The following DNAH17 variants were observed in gnomAD, a reference collection of about 807,000 sequenced individuals.
The protein encoded by DNAH17 is dynein axonemal heavy chain 17.
DNAH17 carries 376 observed loss-of-function variants against 485.6 expected under a neutral mutation model. That is an observed-to-expected ratio of 0.77 (90% confidence interval 0.71 to 0.84). The LOEUF (loss-of-function observed/expected upper bound fraction) is 0.84. Ranked by LOEUF, DNAH17 falls within the 40% of genes least tolerant of loss-of-function variation. DNAH17 has a pLI of 0.00. For synonymous variants in DNAH17, 3,031 were observed against 2,405.9 expected, an observed-to-expected ratio of 1.26 and a Z score of -7.60; for missense variants, 6,370 against 5,839.3, an observed-to-expected ratio of 1.09 and a Z score of -2.96.
chr17:78,445,011 T>A (rs1334918778), intron 70 of DNAH17, among the ~76,000 whole-genome samples: 1 of 151,904 alleles, frequency 6.6e-6, no homozygotes, highest in Non-Finnish European at 1.5e-5. Flanking sequence ...CTCGGCAGGG[T>A]CTAACCTGCG....
intron 35 of DNAH17, 45 bp from the exon 36 acceptor site, chr17:78,500,506 C>A (rs1394064140): frequency 6.6e-7 from 1 of 1,504,310 alleles, no homozygotes; most frequent in Non-Finnish European, 8.9e-7. Flanking sequence ...GACCCCATGG[C>A]CTCCCTGCTT....
Position 78,480,806 on chromosome 17 carries a change from T to C in DNAH17, c.7650-20A>G. ...TCATACCTGAGGGGGGAAACCAGCA[T>C]TCATGTTGTGCCCCTGGCCTGGAGG... is the stretch of plus-strand genomic sequence containing the variant. On this transcript the variant is annotated intron_variant, in intron 48 of 80. Transcript: ENST00000389840. The C allele has an allele frequency of 6.3e-7, 1 of 1,585,692 alleles. No homozygotes were observed. The highest frequency in any genetic ancestry group is 8.6e-7 in the Non-Finnish European group (1 of 1,158,424).
chr17:78,479,641 A>C lies in DNAH17; in HGVS notation c.7753-9T>G, dbSNP rs768539438. The stretch of plus-strand genomic sequence containing the variant: ...AACACGCAGAAATGGCGCTACCCCA[A>C]AACAACCAAACACTCCAGTCAGCCA... On this transcript the variant is annotated splice_polypyrimidine_tract_variant and intron_variant, in intron 49 of 80. Coordinates refer to ENST00000389840, the MANE Select transcript of DNAH17 (RefSeq NM_173628.4). The C allele has an allele frequency of 6.2e-7, 1 of 1,612,112 alleles. No individual in the cohort carries two copies. The highest frequency in any genetic ancestry group is 1.7e-5 in the Admixed American group (1 of 59,882).
chr17:78,450,976 G>A (rs2087523923), intron 66 of DNAH17, 130 bp from the exon 67 acceptor site: 1 of 1,192,142 alleles, frequency 8.4e-7, no homozygotes, highest in Non-Finnish European at 1.2e-6. Flanking sequence ...TCAGGTCCTG[G>A]AAGGGGCTGC....
intron 74 of DNAH17, among the ~76,000 whole-genome samples, chr17:78,437,154 G>A (rs2086876002): frequency 6.6e-6 from 1 of 152,146 alleles, no homozygotes; most frequent in South Asian, 2.1e-4. Flanking sequence ...GGGGGCTGAA[G>A]GCAAGGAAAC....
chr17:78,435,141 C>T (rs8080234), intron 74 of DNAH17, among the ~76,000 whole-genome samples: 103,137 of 151,938 alleles, frequency 0.68, 35,994 homozygotes, highest in East Asian at 0.87. Context: ...TGGCCAGTCC[C>T]TTTCAGACCT....
At position 78,572,061 on chromosome 17, in the gene DNAH17, A is replaced by G. The variant is rs528843769; in HGVS notation, c.540-279T>C. 2.0e-5 allele frequency among the ~76,000 whole-genome samples: 3 copies of G among 152,264 alleles called. No individual in the cohort carries two copies. The South Asian group carries it at 6.2e-4, about 32-fold the overall frequency. On this transcript the variant is annotated intron_variant, in intron 3 of 80. Coordinates refer to ENST00000389840, the MANE Select transcript of DNAH17 (RefSeq NM_173628.4). ...AGCGGGAGAGAATTAAGTAAACCCT[A>G]TTTAAACCCTATTCAAGATGGCTCC...
intron 80 of DNAH17, 119 bp downstream of exon 80, chr17:78,425,227 C>G: frequency 9.8e-7 from 1 of 1,015,278 alleles, no homozygotes; most frequent in Non-Finnish European, 1.5e-6. Flanking sequence ...GAGCACCTCT[C>G]TCCTGCCTGT....
rs369478570 is a variant in DNAH17, at chr17:78,501,184, C to G, written c.5483G>C (p.Arg1828Thr). 6 of 1,574,462 alleles carry G rather than the reference C, an allele frequency of 3.8e-6. No homozygotes were observed. Among genetic ancestry groups the G allele is most frequent in the Non-Finnish European group, 4.3e-6 (5 of 1,151,618 alleles). Reference protein sequence around the residue: ...PRLVITPLTDRCYITLTQSLH... With the variant: ...PRLVITPLTDTCYITLTQSLH... ...TGAGTTACTCAGGGACGGGCCTCAC[C>G]TGTCAGTGAGTGGGGTGATGACCAG... The change falls in exon 35 of 81, where the codon AGG becomes ACG. Residue 1828 changes from arginine (R) to threonine (T), a missense_variant and splice_region_variant. Coordinates refer to ENST00000389840, the MANE Select transcript of DNAH17 (RefSeq NM_173628.4).
rs768564744 is a variant in DNAH17 at position 78,525,107 on chromosome 17, C to T, written c.3766G>A (p.Gly1256Arg). 2.4e-5 allele frequency: 39 copies of T among 1,613,634 alleles called. No individual in the cohort carries two copies. Among genetic ancestry groups the T allele is most frequent in the Middle Eastern group, 1.6e-4 (1 of 6,084 alleles). Residue 1256 changes from glycine (G) to arginine (R), a missense_variant, in exon 25 of 81, where the codon GGG becomes AGG. Gly to Arg is a moderately radical substitution (Grantham distance 125). Transcript: ENST00000389840. ...GGGACGGGGACCTCGAACAGGCCCC[C>T]GGACTTGGACAGCGCCTCCATGATG... ...EGIMEALSKS[G>R]GLFEVPVPDY...
chr17:78,530,268 C>G (rs2091195305), intron 21 of DNAH17, 75 bp downstream of exon 21: 3 of 1,462,288 alleles, frequency 2.1e-6, no homozygotes, highest in Non-Finnish European at 2.7e-6. Flanking sequence ...CAAATGCCAC[C>G]CACTCAAGTG....
intron 16 of DNAH17, among the ~76,000 whole-genome samples, chr17:78,544,866 C>G (rs1412577914): frequency 7.0e-6 from 1 of 142,764 alleles, no homozygotes; most frequent in Non-Finnish European, 1.5e-5. Flanking sequence ...TTGGACTTTA[C>G]TGTTATCTGT....
chr17:78,529,907 C>G (rs569548077), intron 21 of DNAH17, among the ~76,000 whole-genome samples: 1 of 152,320 alleles, frequency 6.6e-6, no homozygotes, highest in African/African-American at 2.4e-5. Flanking sequence ...CAACTTAGCT[C>G]AAGCCCATCC....
rs2092378252 is a variant in DNAH17 at position 78,572,738 on chromosome 17, G to GC, written c.501_502insG (p.Leu168AlafsTer27). 6.2e-7 allele frequency: 1 copy of GC among 1,611,894 alleles called. No homozygotes were observed. On this transcript the variant is annotated frameshift_variant, in exon 3 of 81. Transcript: ENST00000389840. LOFTEE classifies it high-confidence loss of function. ...TCCAGCGTGCCATCCAGGCTGCCCA[G>GC]GTGCTCCGGAATAGGCAGCAAGGTT...
chr17:78,445,855 G>GTGAAATACACATACCATAAAAT (rs1416004627), intron 69 of DNAH17, among the ~76,000 whole-genome samples, 175 bp from the exon 70 acceptor site: 5 of 152,138 alleles, frequency 3.3e-5, no homozygotes, highest in South Asian at 2.1e-4. Flanking sequence ...TTTTTAAGTT[G>GTGAAATACACATACCATAAAAT]TGAAATACAC....
intron 44 of DNAH17, among the ~76,000 whole-genome samples, chr17:78,488,208 G>C (rs1051863576): frequency 1.3e-5 from 2 of 152,234 alleles, no homozygotes; most frequent in Non-Finnish European, 1.5e-5. Context: ...AGAGACACAT[G>C]CTTGCGAGAC....
rs1598466836 is a variant in DNAH17 at position 78,449,517 on chromosome 17, A to C, written c.11108T>G (p.Val3703Gly). The change falls in exon 69 of 81, where the codon GTG becomes GGG. Residue 3703 changes from valine to glycine, a missense_variant. Physicochemically the swap from Val to Gly is moderately radical, Grantham distance 109. Transcript: ENST00000389840. ...GGTGATCTCGTCCGTCAGGTTGATC[A>C]CCCGCTGCTTCACCTCGTTGGCAGG... The part of the protein sequence containing the change: ...TTPANEVKQR[V>G]INLTDEITYS... The C allele has an allele frequency of 6.3e-7, 1 of 1,595,210 alleles. No homozygotes were observed. The highest frequency in any genetic ancestry group is 8.5e-7 in the Non-Finnish European group (1 of 1,171,060).
chr17:78,521,507 T>C (rs1438062908), intron 25 of DNAH17, among the ~76,000 whole-genome samples: 1 of 152,178 alleles, frequency 6.6e-6, no homozygotes, highest in East Asian at 1.9e-4. Context: ...AAATGAACCT[T>C]AACCCAATAA....
intron 7 of DNAH17, 55 bp from the exon 8 acceptor site, chr17:78,569,582 G>A (rs546792368): frequency 2.5e-4 from 384 of 1,552,540 alleles, no homozygotes; most frequent in African/African-American, 6.5e-4. Context: ...TTGGGGTGAC[G>A]TCCAGGCACG....
Sources: gnomAD v4.1 joint callset for allele counts (sites outside exome capture counted in the v4.1 genomes callset) on GRCh38, gnomAD v4.1.1 for gene constraint, MANE v1.5 for transcripts, NCBI Gene and HGNC (gene_info 2026-07-23, HGNC 2026-07-21) for gene names.